Variants in VAX2 observed in about 807,000 individuals in gnomAD.
VAX2 encodes ventral anterior homeobox 2.
A neutral mutation model predicts 12.5 loss-of-function variants in VAX2; 8 were observed. That is an observed-to-expected ratio of 0.64 (90% CI 0.37 to 1.15). VAX2 has a LOEUF of 1.15. Ranked by LOEUF, VAX2 falls within the 50% of genes most tolerant of loss-of-function variation. The pLI is 0.01. For synonymous variants in VAX2, 183 were observed against 187.6 expected (o/e 0.98, Z 0.20); for missense variants, 476 against 412.9 (o/e 1.15, Z -1.32).
intron 2 of VAX2, among the ~76,000 whole-genome samples, chr2:70,930,640 A>G (rs1553414181): frequency 6.6e-6 from 1 of 152,104 alleles, no homozygotes; most frequent in African/African-American, 2.4e-5. Flanking sequence ...AGGGCCAGTC[A>G]CTCCTAGCAG....
At position 70,900,860 on chromosome 2, in the gene VAX2, T is replaced by C; in HGVS notation, c.239T>C (p.Leu80Pro). Residue 80 changes from leucine to proline, a missense_variant, in exon 1 of 3, where the codon CTG (leucine) becomes CCG (proline). Transcript: ENST00000234392. ...GAGGCAGACCACTGCCGCCGCATAC[T>C]GGTGCGAGGTAAGGGGACAGCCCGC... ...PGEADHCRRI[L>P]VRDAKGTIRE... 7.0e-7 allele frequency: 1 copy of C among 1,422,682 alleles called. No homozygotes were observed. 88.1% of individuals were successfully genotyped at this position (1,422,682 alleles called of 1,614,324 possible). A position where few individuals can be genotyped will look rare whatever the true frequency, so the allele number is the denominator to read the frequency against.
At chr2:70,915,539 C>T (rs1679291113) in intron 1 of VAX2, among the ~76,000 whole-genome samples, 1 of 152,198 alleles carries the variant, frequency 6.6e-6, no homozygotes, top group Non-Finnish European at 1.5e-5. Flanking sequence ...CTACAGCCTC[C>T]AGTTTTGCAG....
chr2:70,905,465 C>A (rs545847480), intron 1 of VAX2, among the ~76,000 whole-genome samples: 1 of 151,904 alleles, frequency 6.6e-6, no homozygotes, highest in East Asian at 1.9e-4. Flanking sequence ...TTGTTTCCCC[C>A]CCTTCCATAA....
chr2:70,927,207 C>T (rs1197330548), intron 2 of VAX2, among the ~76,000 whole-genome samples: 2 of 151,862 alleles, frequency 1.3e-5, no homozygotes, highest in African/African-American at 4.8e-5. Flanking sequence ...ACCAGAGTAC[C>T]AGGGTCCAAG....
chr2:70,901,364 C>T (rs1572883300), intron 1 of VAX2, among the ~76,000 whole-genome samples: 2 of 152,246 alleles, frequency 1.3e-5, no homozygotes, highest in East Asian at 3.9e-4. Context: ...AATCGGGACC[C>T]GCACGGATTG....
In VAX2 at chr2:70,912,653, C is replaced by T. The variant is rs572961498; in HGVS notation, c.248-8445C>T. Among the ~76,000 whole-genome samples, 4 of 152,154 alleles carry T rather than the reference C, an allele frequency of 2.6e-5. No individual in the cohort carries two copies. In the East Asian group the frequency reaches 5.8e-4, roughly 22 times the overall value. On this transcript the variant is annotated intron_variant, in intron 1 of 2. Transcript: ENST00000234392. ...CTCCAGCCTGGGTGACAGAGTGAGACTCCGTTTCAAAAAAAAGTCAGCACA... is the reference window on the plus strand; with the variant it reads ...CTCCAGCCTGGGTGACAGAGTGAGATTCCGTTTCAAAAAAAAGTCAGCACA...
At chr2:70,919,098 AGGCTGAGGCAGGAGAATCACTTGAACCTG>A (rs1553412446) in intron 1 of VAX2, among the ~76,000 whole-genome samples, 9 of 8,004 alleles carry the variant, frequency 1.1e-3, no homozygotes, top group East Asian at 8.3e-3. Context: ...GTTACTCGGG[AGGCTGAGGCAGGAGAATCACTTGAACCTG>A]GGAGGCTGAG....
chr2:70,924,931 G>T (rs551670294), intron 2 of VAX2, among the ~76,000 whole-genome samples: 1 of 152,164 alleles, frequency 6.6e-6, no homozygotes, highest in African/African-American at 2.4e-5. Flanking sequence ...TGTTTTACTG[G>T]GGTGTTCAGG....
At chr2:70,929,706 T>TA (rs1370668593) in intron 2 of VAX2, among the ~76,000 whole-genome samples, 18 of 148,732 alleles carry the variant, frequency 1.2e-4, no homozygotes, top group African/African-American at 4.5e-4. Context: ...AAACAATGTA[T>TA]ATAGCAATCT....
chr2:70,915,581 T>G (rs905410839), intron 1 of VAX2, among the ~76,000 whole-genome samples: 52 of 152,234 alleles, frequency 3.4e-4, no homozygotes, highest in African/African-American at 1.2e-3. Context: ...AAGCCTAGCA[T>G]TCTAAAAACA....
At chr2:70,914,097 T>C (rs1679255262) in intron 1 of VAX2, among the ~76,000 whole-genome samples, 1 of 152,188 alleles carries the variant, frequency 6.6e-6, no homozygotes, top group African/African-American at 2.4e-5. Flanking sequence ...ACACACACCA[T>C]TGTTGTATAT....
chr2:70,914,447 T>C (rs987710472), intron 1 of VAX2, among the ~76,000 whole-genome samples: 1 of 152,178 alleles, frequency 6.6e-6, no homozygotes, highest in Non-Finnish European at 1.5e-5. Flanking sequence ...TGAGACTCTA[T>C]CTCAAAAAAT....
rs1211659712 is a variant in VAX2 at position 70,932,757 on chromosome 2, C to T, written c.436-10C>T. 3 of 1,531,440 alleles carry T rather than the reference C, an allele frequency of 2.0e-6. No individual in the cohort carries two copies. The highest frequency in any genetic ancestry group is 1.3e-5 in the South Asian group (1 of 78,266). The allele number at this position is 1,531,440 out of a possible 1,614,324, so 94.9% of individuals were successfully genotyped here. ...ATCTCCCTCCTTGACACCCCCTCCC[C>T]CACCCCAAGGTGAAGGTCTGGTTCC... On this transcript the variant is annotated splice_polypyrimidine_tract_variant and intron_variant, in intron 2 of 2. Transcript: ENST00000234392.
intron 1 of VAX2, among the ~76,000 whole-genome samples, chr2:70,909,491 T>G (rs1679136722): frequency 6.6e-6 from 1 of 152,174 alleles, no homozygotes; most frequent in African/African-American, 2.4e-5. Flanking sequence ...ACAAAAGCAA[T>G]CCATACTATT....
intron 1 of VAX2, among the ~76,000 whole-genome samples, chr2:70,914,805 T>C (rs968387784): frequency 5.8e-5 from 5 of 86,394 alleles, no homozygotes; most frequent in Non-Finnish European, 1.2e-4. Context: ...TTACTTAAAT[T>C]TTTTTTTTTT....
intron 1 of VAX2, among the ~76,000 whole-genome samples, chr2:70,906,031 A>T (rs923379488): frequency 9.9e-5 from 15 of 152,216 alleles, no homozygotes; most frequent in Non-Finnish European, 1.3e-4. Context: ...CTCCTTGCTT[A>T]ATATAAAATC....
chr2:70,903,465 A>G (rs1489895017), intron 1 of VAX2, among the ~76,000 whole-genome samples: 14 of 152,300 alleles, frequency 9.2e-5, no homozygotes, highest in African/African-American at 3.4e-4. Flanking sequence ...CCTTTGGCAC[A>G]GGGAGTAGGA....
chr2:70,921,675 CATT>C (rs1189106216), intron 2 of VAX2, among the ~76,000 whole-genome samples: 1 of 151,826 alleles, frequency 6.6e-6, no homozygotes, highest in Non-Finnish European at 1.5e-5. Context: ...GAAGATGAAA[CATT>C]ATAAAATTGG....
chr2:70,924,890 A>C (rs1679534266), intron 2 of VAX2, among the ~76,000 whole-genome samples: 1 of 152,098 alleles, frequency 6.6e-6, no homozygotes, highest in Non-Finnish European at 1.5e-5. Context: ...GGGAGCTCAA[A>C]TGGGGTCATA....
Sources: allele counts gnomAD v4.1 joint callset (sites outside exome capture counted in the v4.1 genomes callset), GRCh38; gene constraint gnomAD v4.1.1; transcripts MANE v1.5; gene names NCBI Gene and HGNC (gene_info 2026-07-23, HGNC 2026-07-21).